PDGFRL: variants seen among roughly 807,000 people sequenced by gnomAD.
The protein encoded by PDGFRL is platelet derived growth factor receptor like, also known as platelet-derived growth factor receptor-like protein.
A neutral mutation model predicts 37.2 loss-of-function variants in PDGFRL; 46 were observed. The observed-to-expected ratio is 1.24, with a 90% CI of 0.98 to 1.58. The LOEUF is 1.58. Among genes scored for constraint, PDGFRL ranks in the 40% most tolerant of loss-of-function variants. The pLI is 0.00. For synonymous variants in PDGFRL, 251 were observed against 184.3 expected (o/e 1.36, Z -2.93); for missense variants, 692 against 467.6 (o/e 1.48, Z -4.43).
At chr8:17,594,558 T>G (rs186659085) in intron 2 of PDGFRL, among the ~76,000 whole-genome samples, 1 of 149,218 alleles carries the variant, frequency 6.7e-6, no homozygotes, top group East Asian at 2.0e-4. Context: ...ACATTTATTT[T>G]GTTTGTTTTG....
At chr8:17,577,493 C>T (rs894839429) in intron 1 of PDGFRL, among the ~76,000 whole-genome samples, 186 bp downstream of exon 1, 4 of 152,022 alleles carry the variant, frequency 2.6e-5, no homozygotes, top group African/African-American at 9.7e-5. Context: ...CCACTCTTTG[C>T]CTGCCCGGAG....
intron 1 of PDGFRL, among the ~76,000 whole-genome samples, chr8:17,581,973 G>A (rs1011454510): frequency 6.6e-6 from 1 of 152,174 alleles, no homozygotes; most frequent in African/African-American, 2.4e-5. Flanking sequence ...AATCGGAAGA[G>A]TTTGGAGGGC....
intron 2 of PDGFRL, among the ~76,000 whole-genome samples, chr8:17,595,710 G>C (rs1804038302): frequency 6.6e-6 from 1 of 152,194 alleles, no homozygotes; most frequent in African/African-American, 2.4e-5. Flanking sequence ...CTCTAGCCCT[G>C]TGGTGGGGCG....
intron 2 of PDGFRL, among the ~76,000 whole-genome samples, chr8:17,612,495 T>C (rs1054635465): frequency 6.6e-6 from 1 of 152,130 alleles, no homozygotes. Flanking sequence ...CTCAGCCTTC[T>C]GAGTAGCTGA....
intron 2 of PDGFRL, among the ~76,000 whole-genome samples, chr8:17,591,691 G>A (rs1345364882): frequency 2.0e-5 from 3 of 152,160 alleles, no homozygotes; most frequent in Admixed American, 6.5e-5. Flanking sequence ...CAAGGCGGGC[G>A]GATCGTCATG....
intron 2 of PDGFRL, among the ~76,000 whole-genome samples, chr8:17,596,008 C>A (rs116186852): frequency 6.6e-6 from 1 of 152,164 alleles, no homozygotes; most frequent in Non-Finnish European, 1.5e-5. Context: ...CAGATGGGGC[C>A]GTTGACAAGA....
intron 5 of PDGFRL, among the ~76,000 whole-genome samples, chr8:17,641,719 A>G (rs999626181): frequency 3.3e-5 from 5 of 152,180 alleles, no homozygotes; most frequent in African/African-American, 1.2e-4. Context: ...TGTTGCCAGA[A>G]GAGATTTGGC....
At chr8:17,597,847 G>A (rs994305301) in intron 2 of PDGFRL, among the ~76,000 whole-genome samples, 1 of 152,056 alleles carries the variant, frequency 6.6e-6, no homozygotes, top group Non-Finnish European at 1.5e-5. Context: ...TGGGATTTGG[G>A]AATTTGTTTA....
chr8:17,628,062 C>T (rs562745439), intron 3 of PDGFRL, among the ~76,000 whole-genome samples: 1 of 138,104 alleles, frequency 7.2e-6, no homozygotes, highest in Admixed American at 7.9e-5. Flanking sequence ...GGCGCTATCT[C>T]GGCTCACTGC....
chr8:17,587,234 C>G (rs2150810915), intron 1 of PDGFRL, among the ~76,000 whole-genome samples: 1 of 152,200 alleles, frequency 6.6e-6, no homozygotes. Flanking sequence ...GTCAAAAGGT[C>G]AAATTATTTT....
intron 2 of PDGFRL, among the ~76,000 whole-genome samples, chr8:17,599,488 T>A (rs552680461): frequency 6.6e-6 from 1 of 152,326 alleles, no homozygotes; most frequent in East Asian, 1.9e-4. Flanking sequence ...CCTAAGTTCC[T>A]TTGCTCTCTG....
At chr8:17,625,366 G>T (rs1804712894) in intron 3 of PDGFRL, among the ~76,000 whole-genome samples, 1 of 151,954 alleles carries the variant, frequency 6.6e-6, no homozygotes. Flanking sequence ...TGTCCAGGAG[G>T]GTCTCGGTCT....
At chr8:17,601,037 C>G (rs1804156166) in intron 2 of PDGFRL, among the ~76,000 whole-genome samples, 1 of 152,178 alleles carries the variant, frequency 6.6e-6, no homozygotes, top group Non-Finnish European at 1.5e-5. Flanking sequence ...GGTCATCCTC[C>G]TGTGTCCTTC....
At chr8:17,577,376 C>A in intron 1 of PDGFRL, 69 bp downstream of exon 1, 1 of 1,316,646 alleles carries the variant, frequency 7.6e-7, no homozygotes, top group South Asian at 1.2e-5. Flanking sequence ...AAGCCCCCGC[C>A]GCCCTCCTGC....
At chr8:17,638,460 T>A (rs1805017756) in intron 5 of PDGFRL, among the ~76,000 whole-genome samples, 1 of 152,004 alleles carries the variant, frequency 6.6e-6, no homozygotes, top group Admixed American at 6.6e-5. Flanking sequence ...TTTTGTGGCT[T>A]ATGATATGGT....
chr8:17,612,918 A>G (rs914256344), intron 2 of PDGFRL, among the ~76,000 whole-genome samples: 1 of 147,366 alleles, frequency 6.8e-6, no homozygotes, highest in Non-Finnish European at 1.5e-5. Context: ...AAAATATTCT[A>G]TCTCTTTTAT....
chr8:17,588,706 T>C (rs971670123), intron 1 of PDGFRL, among the ~76,000 whole-genome samples: 1 of 152,098 alleles, frequency 6.6e-6, no homozygotes, highest in African/African-American at 2.4e-5. Flanking sequence ...GCGTGCACTT[T>C]CAGCACAGTT....
chr8:17,615,228 T>G (rs898389676), intron 2 of PDGFRL, among the ~76,000 whole-genome samples: 1 of 152,198 alleles, frequency 6.6e-6, no homozygotes, highest in African/African-American at 2.4e-5. Context: ...GTTGACTTAA[T>G]AGAAAACAGT....
chr8:17,610,089 T>G (rs1023277041), intron 2 of PDGFRL, among the ~76,000 whole-genome samples: 1 of 152,218 alleles, frequency 6.6e-6, no homozygotes, highest in African/African-American at 2.4e-5. Flanking sequence ...TCACTGTGCC[T>G]GCACGCCTGC....
Sources: gnomAD v4.1 joint callset for allele counts (sites outside exome capture counted in the v4.1 genomes callset) on GRCh38, gnomAD v4.1.1 for gene constraint, MANE v1.5 for transcripts, NCBI Gene and HGNC (gene_info 2026-07-23, HGNC 2026-07-21) for gene names.